Variants in CHRNB4 observed in about 807,000 individuals in gnomAD.
CHRNB4 encodes cholinergic receptor nicotinic beta 4 subunit.
In CHRNB4, 23 loss-of-function variants were observed where a neutral mutation model predicts 40.4. That is an observed-to-expected ratio of 0.57 (90% CI 0.41 to 0.81). CHRNB4 has a LOEUF of 0.81. CHRNB4 is among the 30% of genes least tolerant of loss of function. The pLI, the probability that CHRNB4 is intolerant of heterozygous loss-of-function variation, is 0.00. For missense variants in CHRNB4, 568 were observed against 670.6 expected (o/e 0.85, Z 1.69); for synonymous variants, 285 against 274.4 (o/e 1.04, Z -0.38).
chr15:78,643,133 TTAAA>T (rs72224325), upstream of CHRNB4, among the ~76,000 whole-genome samples: 5,430 of 152,206 alleles, frequency 0.036, 306 homozygotes, highest in African/African-American at 0.12. Flanking sequence ...TTCCAAAATT[TTAAA>T]TAATACCAAG....
intron 4 of CHRNB4, chr15:78,630,875 C>G: frequency 1.7e-6 from 1 of 575,416 alleles, no homozygotes; most frequent in Non-Finnish European, 3.1e-6. Flanking sequence ...GGTCCCTCCC[C>G]TCCCTCAGCC....
chr15:78,635,335 A>T, intron 2 of CHRNB4, 104 bp downstream of exon 2: 8 of 1,431,244 alleles, frequency 5.6e-6, no homozygotes, highest in Non-Finnish European at 7.5e-6. Flanking sequence ...GGTAAGTCTA[A>T]GTCAACTATA....
At chr15:78,649,362 A>T in intron 7 of CHRNB4, 1 of 450,432 alleles carries the variant, frequency 2.2e-6, no homozygotes, top group Non-Finnish European at 4.4e-6. Context: ...CGGAGGAATG[A>T]ACTGTGGGAT....
chr15:78,657,988 C>T (rs1213121255), intron 2 of CHRNB4, among the ~76,000 whole-genome samples: 1 of 147,992 alleles, frequency 6.8e-6, no homozygotes, highest in Admixed American at 6.7e-5. Context: ...TCTGGGGACA[C>T]ATATATCATT....
chr15:78,647,491 A>C (rs553884660), intron 7 of CHRNB4, among the ~76,000 whole-genome samples: 1 of 152,110 alleles, frequency 6.6e-6, no homozygotes, highest in East Asian at 1.9e-4. Flanking sequence ...GAATGGACAC[A>C]GAAGTGATAA....
upstream of CHRNB4, among the ~76,000 whole-genome samples, chr15:78,642,431 T>C (rs2054088347): frequency 6.6e-6 from 1 of 152,178 alleles, no homozygotes; most frequent in South Asian, 2.1e-4. Flanking sequence ...GCCTGGAGCC[T>C]GTTGGGCTTT....
rs926705832 is a variant in CHRNB4, at chr15:78,631,420, C to T, written c.205-88G>A. 5.1e-6 allele frequency: 7 copies of T among 1,361,344 alleles called. No individual in the cohort carries two copies. In the African/African-American group the frequency reaches 7.2e-5, roughly 14 times the overall value. The allele number at this position is 1,361,344 out of a possible 1,614,324, so 84.3% of individuals were successfully genotyped here. A position where few individuals can be genotyped will look rare whatever the true frequency, so the allele number is the denominator to read the frequency against. On this transcript the variant is annotated intron_variant, in intron 2 of 5. Transcript: ENST00000261751. ...TTTATTGTGCAAAAGGCTGTGAGCT[C>T]CAGGCCCACGTGACCAACTGCCACC...
At chr15:78,659,862 AG>A (rs1204931542) in intron 1 of CHRNB4, among the ~76,000 whole-genome samples, 1 of 152,168 alleles carries the variant, frequency 6.6e-6, no homozygotes, top group African/African-American at 2.4e-5. Context: ...ACAAGAGTCT[AG>A]GGGTTCAATG....
upstream of CHRNB4, among the ~76,000 whole-genome samples, chr15:78,643,993 CAAAAAAAAA>C (rs34477808): frequency 2.6e-5 from 3 of 115,988 alleles, no homozygotes; most frequent in South Asian, 6.1e-4. Flanking sequence ...ACTAAAAATA[CAAAAAAAAA>C]AAAAAAAAAA....
chr15:78,640,529 A>G lies in CHRNB4; in HGVS notation c.55+550T>C, dbSNP rs144384719. 1.1e-4 allele frequency among the ~76,000 whole-genome samples: 17 copies of G among 152,334 alleles called. No homozygotes were observed. The East Asian group carries it at 3.3e-3, about 29-fold the overall frequency. On this transcript the variant is annotated intron_variant, in intron 1 of 5. Coordinates refer to ENST00000261751, the MANE Select transcript of CHRNB4 (RefSeq NM_000750.5). ...ACATTCCAGGGCTGCTGATTTGGGC[A>G]AGCCCCCTTCCTTCTCGGCCCAGTG...
chr15:78,659,175 T>G (rs1233665542), intron 1 of CHRNB4, among the ~76,000 whole-genome samples: 2 of 151,730 alleles, frequency 1.3e-5, no homozygotes, highest in Non-Finnish European at 2.9e-5. Flanking sequence ...ATGCCTGGAG[T>G]CCCAGCACTT....
At chr15:78,649,406 C>A (rs904982545) in exon 7 of CHRNB4, 5 of 454,994 alleles carry the variant, frequency 1.1e-5, no homozygotes, top group Non-Finnish European at 1.8e-5. Flanking sequence ...GGAGCTGGGG[C>A]CAGCAAACTA....
Position 78,625,193 on chromosome 15 carries a change from T to C in CHRNB4, c.1437A>G (p.Leu479=), listed in dbSNP as rs1159755118. 2 of 1,610,340 alleles carry C rather than the reference T, an allele frequency of 1.2e-6. No homozygotes were observed. Among genetic ancestry groups the C allele is most frequent in the Admixed American group, 1.7e-5 (1 of 59,166 alleles). The change falls in exon 6 of 6, where the codon CTA becomes CTG. Residue 479 remains leucine, a synonymous_variant. Transcript: ENST00000261751. ...VCVLGTVGLF[L]PPLFQTHAAS... ...CTGCATGGGTCTGGAAGAGGGGCGG[T>C]AGGAAGAGCCCCACAGTGCCCAGGA...
At chr15:78,649,462 C>A (rs944005979) in intron 6 of CHRNB4, 3 of 447,328 alleles carry the variant, frequency 6.7e-6, no homozygotes, top group African/African-American at 6.1e-5. Flanking sequence ...GTTTTTATAA[C>A]ATTAAAGCAC....
intron 7 of CHRNB4, among the ~76,000 whole-genome samples, chr15:78,647,579 G>A (rs1432119502): frequency 6.6e-6 from 1 of 151,406 alleles, no homozygotes; most frequent in Non-Finnish European, 1.5e-5. Flanking sequence ...GGGTGCAGTG[G>A]CTCACGCCTG....
rs2053609819 is a variant in CHRNB4, at chr15:78,624,682, G to C, written c.*451C>G. The C allele has an allele frequency of 6.1e-6, 2 of 328,846 alleles. No homozygotes were observed. Among genetic ancestry groups the C allele is most frequent in the Non-Finnish European group, 5.5e-6 (1 of 181,694 alleles). 20.4% of individuals were successfully genotyped at this position (328,846 alleles called of 1,614,324 possible). ...CACTTGAGCCTGGGCGATATAGCAA[G>C]ACTCCGTTTAAAAGAAAAAAAAAAA... On this transcript the variant is annotated 3_prime_UTR_variant, in exon 6 of 6. Coordinates refer to ENST00000261751, the MANE Select transcript of CHRNB4 (RefSeq NM_000750.5).
At position 78,633,906 on chromosome 15, in the gene CHRNB4, A is replaced by G. The variant is rs1391600239; in HGVS notation, c.204+1533T>C. ...GGGCAGGGGAGCAGGTGGAAGGGTC[A>G]GGGAATAAGGGGGGCTGGAGAGGTG... On this transcript the variant is annotated intron_variant, in intron 2 of 5. Coordinates refer to ENST00000261751, the MANE Select transcript of CHRNB4 (RefSeq NM_000750.5). 6.1e-5 allele frequency among the ~76,000 whole-genome samples: 6 copies of G among 98,030 alleles called. No individual in the cohort carries two copies. The Admixed American group carries it at 7.7e-4, about 13-fold the overall frequency. The allele number at this position is 98,030 out of a possible 152,430, so 64.3% of individuals were successfully genotyped here. A position where few individuals can be genotyped will look rare whatever the true frequency, so the allele number is the denominator to read the frequency against.
chr15:78,661,442 G>A, upstream of CHRNB4: 1 of 515,516 alleles, frequency 1.9e-6, no homozygotes, highest in Non-Finnish European at 3.8e-6. Context: ...ACCGGTTGGT[G>A]CGACTCATAA....
rs572692579 is a variant in CHRNB4, at chr15:78,641,161, G to T, written c.-28C>A. 208 of 1,537,100 alleles carry T rather than the reference G, an allele frequency of 1.4e-4. No individual in the cohort carries two copies. The African/African-American group carries it at 2.5e-3, about 19-fold the overall frequency. On this transcript the variant is annotated 5_prime_UTR_variant, in exon 1 of 6. Transcript: ENST00000261751. Reference sequence around the variant, plus strand: ...CCGGCGGGGCCGGGTGGCAGCCGCCGCGAGCTCCGCTGTGGGGTCACAGGG... The same window carrying T: ...CCGGCGGGGCCGGGTGGCAGCCGCCTCGAGCTCCGCTGTGGGGTCACAGGG...
Sources: gnomAD v4.1 joint callset for allele counts (sites outside exome capture counted in the v4.1 genomes callset) on GRCh38, gnomAD v4.1.1 for gene constraint, MANE v1.5 for transcripts, NCBI Gene and HGNC (gene_info 2026-07-23, HGNC 2026-07-21) for gene names.